Variants in EVC observed in about 807,000 individuals in gnomAD.
EVC encodes the protein EvC ciliary complex subunit 1.
EVC carries 116 observed loss-of-function variants against 118.9 expected under a neutral mutation model. The observed-to-expected ratio is 0.98, with a 90% CI of 0.84 to 1.14. The LOEUF (loss-of-function observed/expected upper bound fraction) is 1.14. Ranked by LOEUF, EVC falls within the 50% of genes most tolerant of loss-of-function variation. The pLI is 0.00. For synonymous variants in EVC, 619 were observed against 534.7 expected, an observed-to-expected ratio of 1.16 and a Z score of -2.18; for missense variants, 1,401 against 1,246.4, an observed-to-expected ratio of 1.12 and a Z score of -1.87.
At chr4:5,716,670 T>C (rs1724013632) in intron 1 of EVC, among the ~76,000 whole-genome samples, 1 of 152,250 alleles carries the variant, frequency 6.6e-6, no homozygotes, top group Non-Finnish European at 1.5e-5. Context: ...CTCCTGACTC[T>C]AACTTCCTTG....
At chr4:5,770,822 G>A (rs2152211724) in intron 11 of EVC, among the ~76,000 whole-genome samples, 1 of 152,196 alleles carries the variant, frequency 6.6e-6, no homozygotes, top group South Asian at 2.1e-4. Context: ...GACCAGCCCG[G>A]CCAACATGGC....
rs946326522 is a variant in EVC at position 5,729,500 on chromosome 4, T to A, written c.384+110T>A. On this transcript the variant is annotated intron_variant, in intron 3 of 20. Transcript: ENST00000264956. ...GTGATGTTTGGTCCTGTTTGAGGGTTTTATGGCAAGTCATTTTAGTAGGGA... is the reference window on the plus strand; with the variant it reads ...GTGATGTTTGGTCCTGTTTGAGGGTATTATGGCAAGTCATTTTAGTAGGGA... 6.4e-6 allele frequency: 7 copies of A among 1,092,726 alleles called. No homozygotes were observed. The East Asian group carries it at 1.7e-4, about 26-fold the overall frequency. 67.7% of individuals were successfully genotyped at this position (1,092,726 alleles called of 1,614,324 possible). A position where few individuals can be genotyped will look rare whatever the true frequency, so the allele number is the denominator to read the frequency against.
chr4:5,793,769 C>A (rs2152326935), intron 13 of EVC, 52 bp downstream of exon 13: 1 of 1,397,982 alleles, frequency 7.2e-7, no homozygotes, highest in Non-Finnish European at 9.9e-7. Context: ...ATGATGCTCC[C>A]TCCAGCCTCA....
At chr4:5,793,102 G>C (rs771631222) in intron 12 of EVC, among the ~76,000 whole-genome samples, 1 of 152,120 alleles carries the variant, frequency 6.6e-6, no homozygotes, top group Non-Finnish European at 1.5e-5. Flanking sequence ...CTTTGAACAA[G>C]AGGATAAGGC....
rs529609462 is a variant in EVC at position 5,743,660 on chromosome 4, G to A, written c.802-1544G>A. Among the ~76,000 whole-genome samples the A allele has an allele frequency of 6.6e-6, 1 of 152,294 alleles. No individual in the cohort carries two copies. Among genetic ancestry groups the A allele is most frequent in the East Asian group, 1.9e-4 (1 of 5,182 alleles). ...TCTTTACTCCACTGGATTCCATGAG[G>A]AAGGATGACTCACTGCATCCCAGGA... On this transcript the variant is annotated intron_variant, in intron 6 of 20. Coordinates refer to ENST00000264956, the MANE Select transcript of EVC (RefSeq NM_153717.3). This position sits in a 1 kb window ranked among gnomAD's most constrained non-coding sequence, Gnocchi z 4.7.
At position 5,793,668 on chromosome 4, in the gene EVC, G is replaced by C; in HGVS notation, c.1837G>C (p.Glu613Gln). Reference protein sequence around the residue: ...VLQTHLREDHEGTIRGVLGRL... With the variant: ...VLQTHLREDHQGTIRGVLGRL... ...GCAGACACACCTGCGGGAGGACCAC[G>C]AGGGCACCATCCGCGGCGTCTTGGG... is the stretch of plus-strand genomic sequence containing the variant. The change falls in exon 13 of 21, where the codon GAG becomes CAG. Residue 613 changes from glutamate (E) to glutamine (Q), a missense_variant. Coordinates refer to ENST00000264956, the MANE Select transcript of EVC (RefSeq NM_153717.3). The C allele has an allele frequency of 6.4e-7, 1 of 1,553,020 alleles. No homozygotes were observed. The highest frequency in any genetic ancestry group is 1.2e-5 in the South Asian group (1 of 84,122).
downstream of EVC, among the ~76,000 whole-genome samples, chr4:5,815,964 G>A (rs1044201665): frequency 6.6e-5 from 10 of 152,030 alleles, no homozygotes; most frequent in Non-Finnish European, 1.0e-4. Context: ...TCCTCCTGTG[G>A]TGTATGGATT....
At chr4:5,814,468 G>T (rs1178805754), downstream of EVC, among the ~76,000 whole-genome samples, 2 of 152,112 alleles carry the variant, frequency 1.3e-5, no homozygotes, top group African/African-American at 2.4e-5. Flanking sequence ...TGATCTTGCT[G>T]TTGCCACAGA....
chr4:5,827,777 A>G, the EVC span, among the ~76,000 whole-genome samples: 1 of 151,062 alleles, frequency 6.6e-6, no homozygotes, highest in Non-Finnish European at 1.5e-5. Context: ...TCTGGCAAAC[A>G]TCAGCTGTCT....
intron 11 of EVC, among the ~76,000 whole-genome samples, chr4:5,774,440 C>T (rs1734428683): frequency 6.6e-6 from 1 of 151,820 alleles, no homozygotes; most frequent in East Asian, 1.9e-4. Flanking sequence ...CCAGCCAATC[C>T]CCATAAATCC....
chr4:5,810,059 G>T (rs1052718427), intron 19 of EVC, among the ~76,000 whole-genome samples: 3 of 152,222 alleles, frequency 2.0e-5, no homozygotes, highest in Admixed American at 6.5e-5. Flanking sequence ...AAGTCTTCCA[G>T]TCAGCTGGGT....
In EVC at chr4:5,711,362, G is replaced by C; in HGVS notation, c.-19G>C. On this transcript the variant is annotated 5_prime_UTR_variant, in exon 1 of 21. Coordinates refer to ENST00000264956, the MANE Select transcript of EVC (RefSeq NM_153717.3). The stretch of plus-strand genomic sequence containing the variant: ...AGCAGGCGGCGGGATGCGGCGGGGC[G>C]GCAGCCTGAGCGCCCCGGATGGCCC... 1 of 1,008,558 alleles carries C rather than the reference G, an allele frequency of 9.9e-7. No homozygotes were observed. The highest frequency in any genetic ancestry group is 1.2e-6 in the Non-Finnish European group (1 of 846,676). The allele number at this position is 1,008,558 out of a possible 1,614,324, so 62.5% of individuals were successfully genotyped here. A position where few individuals can be genotyped will look rare whatever the true frequency, so the allele number is the denominator to read the frequency against.
the EVC span, chr4:5,825,710 C>T: frequency 1.3e-6 from 2 of 1,582,948 alleles, no homozygotes; most frequent in Non-Finnish European, 8.6e-7. This position sits in a 1 kb window ranked among gnomAD's most constrained non-coding sequence, Gnocchi z 4.4. Flanking sequence ...CATGTGTGCC[C>T]TTCTGGGCAG....
chr4:5,809,302 G>A (rs1354028665), intron 18 of EVC, among the ~76,000 whole-genome samples: 1 of 152,172 alleles, frequency 6.6e-6, no homozygotes, highest in African/African-American at 2.4e-5. Context: ...CGGCCAGTGT[G>A]AGTGAGGACC....
intron 5 of EVC, among the ~76,000 whole-genome samples, chr4:5,740,799 A>G (rs74466345): frequency 8.7e-4 from 133 of 152,330 alleles, no homozygotes; most frequent in African/African-American, 2.8e-3. Flanking sequence ...TATTTCACCA[A>G]AAAGGATATA....
intron 1 of EVC, among the ~76,000 whole-genome samples, chr4:5,715,191 A>G (rs2151808619): frequency 6.6e-6 from 1 of 152,316 alleles, no homozygotes; most frequent in Middle Eastern, 3.4e-3. Context: ...TTTGTGTTCA[A>G]GACATTTGAA....
At chr4:5,722,579 CA>C (rs1251331261) in intron 2 of EVC, among the ~76,000 whole-genome samples, 14 of 152,286 alleles carry the variant, frequency 9.2e-5, no homozygotes, top group African/African-American at 3.4e-4. Flanking sequence ...CAACTCATCT[CA>C]GCCGAAAACA....
Position 5,746,342 on chromosome 4 carries a change from G to A in EVC, c.939+1001G>A, listed in dbSNP as rs1309370241. On this transcript the variant is annotated intron_variant, in intron 7 of 20. Transcript: ENST00000264956. This position sits in a 1 kb window ranked among gnomAD's most constrained non-coding sequence, Gnocchi z 5.8. ...AAGGCAACTGCAGTAGGATGGAGAG[G>A]TGAGGAAACGTGTGAGAGAAGCTGT... 1.3e-5 allele frequency among the ~76,000 whole-genome samples: 2 copies of A among 152,318 alleles called. No individual in the cohort carries two copies. Among genetic ancestry groups the A allele is most frequent in the Non-Finnish European group, 1.5e-5 (1 of 68,022 alleles).
At chr4:5,725,471 TC>T (rs1161517822) in intron 2 of EVC, among the ~76,000 whole-genome samples, 2 of 152,208 alleles carry the variant, frequency 1.3e-5, no homozygotes, top group Non-Finnish European at 2.9e-5. Flanking sequence ...TCTCTAATGA[TC>T]AGTGATGTTG....
Sources: gnomAD v4.1 joint callset for allele counts (sites outside exome capture counted in the v4.1 genomes callset) on GRCh38, gnomAD v4.1.1 for gene constraint, Gnocchi (gnomAD v3.1) non-coding constraint, MANE v1.5 for transcripts, NCBI Gene and HGNC (gene_info 2026-07-23, HGNC 2026-07-21) for gene names.